The following SLC23A2 variants were observed in gnomAD, a reference collection of about 807,000 sequenced individuals.
The protein encoded by SLC23A2 is solute carrier family 23 member 2, also known as Na(+)/L-ascorbic acid transporter 2.
A neutral mutation model predicts 73.3 loss-of-function variants in SLC23A2; 36 were observed. The observed-to-expected ratio is 0.49, with a 90% CI of 0.38 to 0.65. The LOEUF (loss-of-function observed/expected upper bound fraction) is 0.65. Among genes scored for constraint, SLC23A2 ranks in the 30% least tolerant of loss-of-function variants. SLC23A2 has a pLI of 0.00. For synonymous variants in SLC23A2, 343 were observed against 327.3 expected, an observed-to-expected ratio of 1.05 and a Z score of -0.52; for missense variants, 507 against 841.6, an observed-to-expected ratio of 0.60 and a Z score of 4.92.
chr20:4,922,049 A>C (rs1341365713), intron 3 of SLC23A2, among the ~76,000 whole-genome samples: 1 of 152,230 alleles, frequency 6.6e-6, no homozygotes, highest in Non-Finnish European at 1.5e-5. Flanking sequence ...GCAAGAATGA[A>C]CTTTTTCTCC....
intron 13 of SLC23A2, among the ~76,000 whole-genome samples, chr20:4,864,258 C>T (rs539317380): frequency 1.6e-4 from 25 of 152,336 alleles, no homozygotes; most frequent in African/African-American, 6.0e-4. Flanking sequence ...CGCAATTCCT[C>T]ACGTACACCG....
At chr20:5,001,810 T>A (rs1373123507), upstream of SLC23A2, among the ~76,000 whole-genome samples, 1 of 151,854 alleles carries the variant, frequency 6.6e-6, no homozygotes, top group Non-Finnish European at 1.5e-5. Context: ...GGTCCCTGAG[T>A]GTCCTGGTCC....
At chr20:4,869,131 A>G (rs1930325162) in intron 12 of SLC23A2, 1 of 152,112 alleles carries the variant, frequency 6.6e-6, no homozygotes, top group East Asian at 1.9e-4. Context: ...TAATTTTTGC[A>G]ATGTAGAAAT....
At chr20:4,970,951 A>G (rs1381955983) in intron 1 of SLC23A2, 32 bp from the exon 2 acceptor site, 1 of 152,204 alleles carries the variant, frequency 6.6e-6, no homozygotes, top group Admixed American at 6.5e-5. Context: ...ATTAAAAGTA[A>G]TAACAAACCT....
rs575903187 is a variant in SLC23A2, at chr20:4,961,090, CT to C, written c.-155+9702del. ...CTCATGCACATTCTGATTACACATC[CT>C]TTTTTTTTTTTCTTTTTCTTTTTTT... On this transcript the variant is annotated intron_variant, in intron 2 of 16. Transcript: ENST00000338244. Among the ~76,000 whole-genome samples the C allele has an allele frequency of 5.7e-3, 824 of 143,456 alleles. 16 individuals carry two copies. In the East Asian group the frequency reaches 0.059, roughly 10 times the overall value. 94.1% of individuals were successfully genotyped at this position (143,456 alleles called of 152,430 possible).
chr20:5,001,098 G>C (rs2088114103), intron 1 of SLC23A2, among the ~76,000 whole-genome samples: 1 of 151,954 alleles, frequency 6.6e-6, no homozygotes, highest in African/African-American at 2.4e-5. Context: ...CGCGGCCTGA[G>C]GGCCCGAGCG....
intron 3 of SLC23A2, among the ~76,000 whole-genome samples, chr20:4,925,805 C>T (rs1932651847): frequency 6.6e-6 from 1 of 152,210 alleles, no homozygotes; most frequent in African/African-American, 2.4e-5. Context: ...TCCTCTTGAC[C>T]TACTATACCT....
Position 4,948,630 on chromosome 20 carries a change from T to C in SLC23A2, c.-154-15914A>G, listed in dbSNP as rs1036866563. On this transcript the variant is annotated intron_variant, in intron 2 of 16. Coordinates refer to ENST00000338244, the MANE Select transcript of SLC23A2 (RefSeq NM_005116.6). Reference sequence around the variant, plus strand: ...CCCCAGGTTAACACCACATACGTGGTGATCAAAATTATTGCAAAGCTTTTC... The same window carrying C: ...CCCCAGGTTAACACCACATACGTGGCGATCAAAATTATTGCAAAGCTTTTC... Among the ~76,000 whole-genome samples the C allele has an allele frequency of 3.9e-5, 6 of 152,258 alleles. No homozygotes were observed. In the East Asian group the frequency reaches 9.6e-4, roughly 24 times the overall value.
chr20:4,948,866 T>G (rs1044988285), intron 2 of SLC23A2, among the ~76,000 whole-genome samples: 4 of 152,194 alleles, frequency 2.6e-5, no homozygotes, highest in Admixed American at 6.5e-5. Context: ...CCAAAGACCT[T>G]AAAAGAATTA....
At chr20:4,920,334 G>C (rs1418453679) in intron 3 of SLC23A2, among the ~76,000 whole-genome samples, 1 of 152,358 alleles carries the variant, frequency 6.6e-6, no homozygotes, top group East Asian at 1.9e-4. Context: ...CTGCTGCCAA[G>C]CATGCAAGAA....
chr20:4,941,113 A>G (rs2087033672), intron 2 of SLC23A2, among the ~76,000 whole-genome samples: 1 of 151,864 alleles, frequency 6.6e-6, no homozygotes, highest in Admixed American at 6.6e-5. Context: ...CCGAGATTGC[A>G]CCACTACACT....
In SLC23A2 at chr20:4,872,003, T is replaced by TA. The variant is rs898557253; in HGVS notation, c.1102+1932_1102+1933insT. Among the ~76,000 whole-genome samples the TA allele has an allele frequency of 1.5e-5, 2 of 136,070 alleles. No individual in the cohort carries two copies. The highest frequency in any genetic ancestry group is 3.4e-5 in the Non-Finnish European group (2 of 58,994). 89.3% of individuals were successfully genotyped at this position (136,070 alleles called of 152,430 possible). On this transcript the variant is annotated intron_variant, in intron 11 of 16. Transcript: ENST00000338244. The surrounding 1 kb of genome is among the most constrained non-coding windows in gnomAD (Gnocchi z 4.4). ...ATATATCTATATATCTATATCTATA[T>TA]TTTTTTTTCTTAAAGACCTTGTTGG...
At chr20:4,993,058 C>T (rs2087953974) in intron 1 of SLC23A2, among the ~76,000 whole-genome samples, 3 of 151,656 alleles carry the variant, frequency 2.0e-5, no homozygotes, top group Admixed American at 2.0e-4. Context: ...GCAGGTGGAT[C>T]ACGAGGTCAG....
intron 4 of SLC23A2, among the ~76,000 whole-genome samples, chr20:4,910,111 G>A (rs541429531): frequency 3.5e-4 from 54 of 152,128 alleles, no homozygotes; most frequent in African/African-American, 1.2e-3. Flanking sequence ...GGTGGCTCAC[G>A]CCTGTAATCT....
At chr20:4,976,273 C>T (rs904285138) in intron 1 of SLC23A2, among the ~76,000 whole-genome samples, 11 of 152,062 alleles carry the variant, frequency 7.2e-5, no homozygotes, top group African/African-American at 2.7e-4. Flanking sequence ...AAGCAAATGA[C>T]TGCTTTTTCC....
At chr20:4,979,888 A>G (rs2087700033) in intron 1 of SLC23A2, among the ~76,000 whole-genome samples, 1 of 152,170 alleles carries the variant, frequency 6.6e-6, no homozygotes, top group Non-Finnish European at 1.5e-5. Flanking sequence ...GAAAATATGT[A>G]TAACATTTAT....
intron 6 of SLC23A2, among the ~76,000 whole-genome samples, chr20:4,891,654 C>T (rs1002354563): frequency 6.6e-6 from 1 of 152,272 alleles, no homozygotes; most frequent in Non-Finnish European, 1.5e-5. Flanking sequence ...ACCCGCTGCA[C>T]TACCTGCCTC....
rs187526108 is a variant in SLC23A2, at chr20:4,870,567, A to C, written c.1103-514T>G. On this transcript the variant is annotated intron_variant, in intron 11 of 16. Coordinates refer to ENST00000338244, the MANE Select transcript of SLC23A2 (RefSeq NM_005116.6). ...ACTCCAGCCTGGGTGATAGAGCGAG[A>C]CTCCATCTCAAAAAAAAAAAAGAAG... Among the ~76,000 whole-genome samples, 28 of 148,440 alleles carry C rather than the reference A, an allele frequency of 1.9e-4. No homozygotes were observed. In the East Asian group the frequency reaches 5.3e-3, roughly 28 times the overall value.
chr20:4,961,329 A>G lies in SLC23A2; in HGVS notation c.-155+9464T>C, dbSNP rs535741642. Among the ~76,000 whole-genome samples, 196 of 151,828 alleles carry G rather than the reference A, an allele frequency of 1.3e-3. 1 individual carries two copies. Among genetic ancestry groups the G allele is most frequent in the Admixed American group, 3.7e-3 (57 of 15,244 alleles). On this transcript the variant is annotated intron_variant, in intron 2 of 16. Transcript: ENST00000338244. Reference sequence around the variant, plus strand: ...ATCTCCCTGACCTCATGATCCGCCCACCTTGGCCTCCCAAAGTGCTGGGAT... The same window carrying G: ...ATCTCCCTGACCTCATGATCCGCCCGCCTTGGCCTCCCAAAGTGCTGGGAT...
Sources: allele counts gnomAD v4.1 joint callset (sites outside exome capture counted in the v4.1 genomes callset), GRCh38; gene constraint gnomAD v4.1.1; non-coding constraint Gnocchi (gnomAD v3.1); transcripts MANE v1.5; gene names NCBI Gene and HGNC (gene_info 2026-07-23, HGNC 2026-07-21).